PRKG1: variants seen among roughly 807,000 people sequenced by gnomAD.
PRKG1 encodes the protein cGMP-dependent protein kinase 1.
PRKG1 carries 35 observed loss-of-function variants against 88.1 expected under a neutral mutation model. The observed-to-expected ratio is 0.40, with a 90% CI of 0.30 to 0.53. The LOEUF is 0.53. PRKG1 is among the 20% of genes least tolerant of loss of function. The pLI is 0.59. For missense variants in PRKG1, 540 were observed against 839.8 expected (o/e 0.64, Z 4.41); for synonymous variants, 303 against 292.5 (o/e 1.04, Z -0.37).
Position 52,028,626 on chromosome 10 carries a change from T to A in PRKG1, c.763-25858T>A, listed in dbSNP as rs576863698. ...TAACCTCATGCTGGTGTTAAACAGA[T>A]CCTAAGTGTACCTGTTCCAATACCT... On this transcript the variant is annotated intron_variant, in intron 5 of 17. Transcript: ENST00000373980. Among the ~76,000 whole-genome samples, 14 of 152,354 alleles carry A rather than the reference T, an allele frequency of 9.2e-5. No individual in the cohort carries two copies. In the South Asian group the frequency reaches 2.9e-3, roughly 32 times the overall value.
rs566036068 is a variant in PRKG1 at position 51,734,690 on chromosome 10, C to A, written c.593-69895C>A. Among the ~76,000 whole-genome samples the A allele has an allele frequency of 1.0e-3, 159 of 152,256 alleles. 2 individuals carry two copies. Among genetic ancestry groups the A allele is most frequent in the African/African-American group, 3.7e-3 (152 of 41,558 alleles). On this transcript the variant is annotated intron_variant, in intron 3 of 17. Transcript: ENST00000373980. Reference sequence around the variant, plus strand: ...GATGGTAGGTCAAGATAAACACAGACTGAAATAATCCAAGAGGTATGGAAA... The same window carrying A: ...GATGGTAGGTCAAGATAAACACAGAATGAAATAATCCAAGAGGTATGGAAA...
At chr10:51,166,365 A>G (rs2131998665) in intron 2 of PRKG1, among the ~76,000 whole-genome samples, 1 of 152,260 alleles carries the variant, frequency 6.6e-6, no homozygotes, top group Non-Finnish European at 1.5e-5. Context: ...CTTTTCCCTG[A>G]GTTTATATCA....
intron 9 of PRKG1, among the ~76,000 whole-genome samples, chr10:52,171,714 C>CT (rs113164329): frequency 1.5e-5 from 1 of 68,408 alleles, no homozygotes; most frequent in Admixed American, 1.9e-4. Context: ...GATTCAGTTG[C>CT]TTTTTTAAAA....
At position 51,080,132 on chromosome 10, in the gene PRKG1, A is replaced by C. The variant is rs146429253; in HGVS notation, c.311+5231A>C. Among the ~76,000 whole-genome samples, 35 of 152,344 alleles carry C rather than the reference A, an allele frequency of 2.3e-4. No homozygotes were observed. The East Asian group carries it at 6.6e-3, about 29-fold the overall frequency. On this transcript the variant is annotated intron_variant, in intron 1 of 17. Coordinates refer to ENST00000373980, the MANE Select transcript of PRKG1 (RefSeq NM_006258.4). ...TGACATTACAGTTTATGCAGTAGAAATGAAGTCCCGGGAGCATTTATAAAA... is the reference window on the plus strand; with the variant it reads ...TGACATTACAGTTTATGCAGTAGAACTGAAGTCCCGGGAGCATTTATAAAA...
chr10:51,581,276 C>T (rs555156428), intron 3 of PRKG1, among the ~76,000 whole-genome samples: 1 of 152,214 alleles, frequency 6.6e-6, no homozygotes, highest in Admixed American at 6.5e-5. Flanking sequence ...TTTCCATAAC[C>T]TATGATTAGC....
chr10:51,601,289 A>C (rs1162216090), intron 3 of PRKG1, among the ~76,000 whole-genome samples: 1 of 152,184 alleles, frequency 6.6e-6, no homozygotes, highest in Admixed American at 6.6e-5. Flanking sequence ...GTCCAAGACT[A>C]AGTAAATATT....
intron 4 of PRKG1, among the ~76,000 whole-genome samples, chr10:51,808,487 C>T (rs1288237235): frequency 2.0e-5 from 3 of 151,984 alleles, no homozygotes; most frequent in Non-Finnish European, 4.4e-5. Flanking sequence ...CCTGTGGTAC[C>T]AGCTACTCAG....
chr10:51,833,745 A>G (rs1840060787), intron 4 of PRKG1, among the ~76,000 whole-genome samples: 1 of 152,180 alleles, frequency 6.6e-6, no homozygotes, highest in Admixed American at 6.6e-5. Context: ...CATATAATAC[A>G]TTATTATTAA....
At chr10:51,487,282 AT>A (rs1202670795) in intron 3 of PRKG1, among the ~76,000 whole-genome samples, 2 of 152,178 alleles carry the variant, frequency 1.3e-5, no homozygotes, top group African/African-American at 4.8e-5. Flanking sequence ...AATCTGACAT[AT>A]TTCTGCTAGA....
intron 5 of PRKG1, among the ~76,000 whole-genome samples, chr10:51,912,600 A>T (rs889900241): frequency 6.6e-6 from 1 of 152,224 alleles, no homozygotes; most frequent in Non-Finnish European, 1.5e-5. Context: ...TGAGAGAAAC[A>T]AGTGTAACCA....
intron 4 of PRKG1, among the ~76,000 whole-genome samples, chr10:51,857,261 A>G (rs1430759129): frequency 6.6e-6 from 1 of 152,208 alleles, no homozygotes; most frequent in Non-Finnish European, 1.5e-5. Context: ...CTTCTAATGG[A>G]TCGCCTTATT....
intron 5 of PRKG1, among the ~76,000 whole-genome samples, chr10:51,967,707 G>A (rs999774471): frequency 3.9e-5 from 6 of 151,952 alleles, no homozygotes; most frequent in Non-Finnish European, 8.8e-5. Flanking sequence ...TAGCACTGTC[G>A]TTTCCTAGTT....
At chr10:52,100,431 C>T (rs1847270351) in intron 7 of PRKG1, among the ~76,000 whole-genome samples, 1 of 152,152 alleles carries the variant, frequency 6.6e-6, no homozygotes, top group Admixed American at 6.5e-5. Context: ...ATTCAGTGCA[C>T]AGTCTGTACA....
At chr10:51,209,978 A>G (rs1293205637) in intron 2 of PRKG1, among the ~76,000 whole-genome samples, 1 of 152,162 alleles carries the variant, frequency 6.6e-6, no homozygotes. Context: ...TTTCTGGCAT[A>G]GTGTTTGAAA....
chr10:52,058,162 A>G (rs1369692911), intron 6 of PRKG1, among the ~76,000 whole-genome samples: 1 of 151,994 alleles, frequency 6.6e-6, no homozygotes, highest in Non-Finnish European at 1.5e-5. Flanking sequence ...ACACAACCCA[A>G]TATAATAGCT....
intron 3 of PRKG1, among the ~76,000 whole-genome samples, chr10:51,644,504 ATTAATGCCT>A (rs1321038179): frequency 6.6e-6 from 1 of 152,180 alleles, no homozygotes; most frequent in Non-Finnish European, 1.5e-5. Context: ...TTTAGTTCTT[ATTAATGCCT>A]GAATTGTTCC....
chr10:51,762,965 C>G lies in PRKG1; in HGVS notation c.593-41620C>G, dbSNP rs546804479. Among the ~76,000 whole-genome samples the G allele has an allele frequency of 7.2e-4, 109 of 152,280 alleles. 1 individual carries two copies. The highest frequency in any genetic ancestry group is 2.5e-3 in the African/African-American group (105 of 41,576). On this transcript the variant is annotated intron_variant, in intron 3 of 17. Transcript: ENST00000373980. Reference sequence around the variant, plus strand: ...GGATTCAAGTTTAAAATCTGGTATCCTAGTCCCAACTCTGTCAATGACTAG... The same window carrying G: ...GGATTCAAGTTTAAAATCTGGTATCGTAGTCCCAACTCTGTCAATGACTAG...
intron 9 of PRKG1, among the ~76,000 whole-genome samples, chr10:52,175,616 T>C (rs1192751401): frequency 6.6e-6 from 1 of 152,162 alleles, no homozygotes; most frequent in African/African-American, 2.4e-5. Context: ...CCACCGACGG[T>C]ATACAAGAGT....
chr10:51,136,587 GA>G (rs1276040575), intron 1 of PRKG1, among the ~76,000 whole-genome samples: 2 of 122,366 alleles, frequency 1.6e-5, no homozygotes, highest in South Asian at 3.3e-4. Flanking sequence ...GTGTGTGTGG[GA>G]GGGGGGCGGG....
Sources: allele counts gnomAD v4.1 joint callset (sites outside exome capture counted in the v4.1 genomes callset), GRCh38; gene constraint gnomAD v4.1.1; transcripts MANE v1.5; gene names NCBI Gene and HGNC (gene_info 2026-07-23, HGNC 2026-07-21).